Variants in GUCY1B1 observed in about 807,000 individuals in gnomAD.
GUCY1B1 encodes the protein guanylate cyclase soluble subunit beta-1.
A neutral mutation model predicts 71.0 loss-of-function variants in GUCY1B1; 43 were observed. That is an observed-to-expected ratio of 0.61 (90% confidence interval 0.47 to 0.78). The LOEUF (loss-of-function observed/expected upper bound fraction) is 0.78. Among genes scored for constraint, GUCY1B1 ranks in the 30% least tolerant of loss-of-function variants. The probability of loss-of-function intolerance (pLI) is 0.00; values close to 1 mark genes in which losing one functional copy is unlikely to be tolerated. For missense variants in GUCY1B1, 535 were observed against 754.1 expected (o/e 0.71, Z 3.40); for synonymous variants, 266 against 259.7 (o/e 1.02, Z -0.23).
Position 155,775,049 on chromosome 4 carries a change from T to A in GUCY1B1, c.159T>A (p.Ala53=). 1 of 1,589,966 alleles carries A rather than the reference T, an allele frequency of 6.3e-7. No individual in the cohort carries two copies. The highest frequency in any genetic ancestry group is 8.6e-7 in the Non-Finnish European group (1 of 1,158,442). ...YDDSKTYDLV[A]AASKVLNLNA... ...ACTCCAAAACTTATGATTTGGTTGC[T>A]GCTGCAAGCAAAGTCCTCAGTAAGT... is the stretch of plus-strand genomic sequence containing the variant. The change falls in exon 3 of 14, where the codon GCT becomes GCA. Residue 53 remains alanine, a synonymous_variant. Coordinates refer to ENST00000264424, the MANE Select transcript of GUCY1B1 (RefSeq NM_000857.5).
Position 155,785,438 on chromosome 4 carries a change from T to A in GUCY1B1, c.298-4276T>A, listed in dbSNP as rs1738699007. 1.0e-5 allele frequency: 6 copies of A among 574,354 alleles called. No individual in the cohort carries two copies. In the South Asian group the frequency reaches 1.4e-4, roughly 14 times the overall value. The allele number at this position is 574,354 out of a possible 1,614,324, so 35.6% of individuals were successfully genotyped here. On this transcript the variant is annotated intron_variant, in intron 4 of 13. Transcript: ENST00000264424. ...CTTTCTGTAAGTGCTTCTGTGGGTA[T>A]ATTTAGAAATAACACAGAATATCAG...
At chr4:155,782,762 T>G (rs535023231) in intron 4 of GUCY1B1, among the ~76,000 whole-genome samples, 4 of 152,318 alleles carry the variant, frequency 2.6e-5, no homozygotes, top group African/African-American at 9.6e-5. Context: ...AAGTCTTGGT[T>G]TCCTTCAGGG....
At chr4:155,795,845 T>C (rs941179210) in intron 7 of GUCY1B1, among the ~76,000 whole-genome samples, 1 of 152,168 alleles carries the variant, frequency 6.6e-6, no homozygotes, top group African/African-American at 2.4e-5. Context: ...TTGTTCTTAG[T>C]AGCGTTTTTG....
At chr4:155,777,389 C>T in intron 3 of GUCY1B1, 135 bp from the exon 4 acceptor site, 1 of 611,946 alleles carries the variant, frequency 1.6e-6, no homozygotes, top group African/African-American at 1.9e-5. Context: ...GGATTTTTTT[C>T]ATATGATCTA....
At chr4:155,790,893 T>G (rs1236693604) in intron 5 of GUCY1B1, among the ~76,000 whole-genome samples, 1 of 152,214 alleles carries the variant, frequency 6.6e-6, no homozygotes, top group East Asian at 1.9e-4. Context: ...ACGTGGCACC[T>G]TTTGGTGATT....
At chr4:155,763,111 G>A (rs1042999336) in intron 2 of GUCY1B1, among the ~76,000 whole-genome samples, 1 of 152,154 alleles carries the variant, frequency 6.6e-6, no homozygotes, top group African/African-American at 2.4e-5. Flanking sequence ...TCCCATCTCT[G>A]TTATCCTTCC....
rs763088208 is a variant in GUCY1B1, at chr4:155,806,717, C to T, written c.*308C>T. ...TGGTGATCTGCAAGTAGTAGGCACC[C>T]AATAAATATTTGTTGAATTTAGTTA... On this transcript the variant is annotated 3_prime_UTR_variant, in exon 14 of 14. Coordinates refer to ENST00000264424, the MANE Select transcript of GUCY1B1 (RefSeq NM_000857.5). 5 of 317,496 alleles carry T rather than the reference C, an allele frequency of 1.6e-5. No individual in the cohort carries two copies. The highest frequency in any genetic ancestry group is 2.9e-5 in the Non-Finnish European group (5 of 174,172). 19.7% of individuals were successfully genotyped at this position (317,496 alleles called of 1,614,324 possible). A position where few individuals can be genotyped will look rare whatever the true frequency, so the allele number is the denominator to read the frequency against.
At chr4:155,790,686 C>T (rs1739096249) in intron 5 of GUCY1B1, among the ~76,000 whole-genome samples, 1 of 152,146 alleles carries the variant, frequency 6.6e-6, no homozygotes, top group Non-Finnish European at 1.5e-5. Context: ...TATAGAAAAC[C>T]TATTAGACAG....
rs1483453171 is a variant in GUCY1B1, at chr4:155,807,523, A to G, written c.*1114A>G. ...TAAATTTAGTATTTCATATCAGCAC[A>G]TCGATATATGTATAAATGTTCCATG... is the stretch of plus-strand genomic sequence containing the variant. On this transcript the variant is annotated 3_prime_UTR_variant, in exon 14 of 14. Coordinates refer to ENST00000264424, the MANE Select transcript of GUCY1B1 (RefSeq NM_000857.5). 1 of 152,158 alleles carries G rather than the reference A, an allele frequency of 6.6e-6. No individual in the cohort carries two copies. Among genetic ancestry groups the G allele is most frequent in the Non-Finnish European group, 1.5e-5 (1 of 68,026 alleles). The allele number at this position is 152,158 out of a possible 1,614,324, so 9.4% of individuals were successfully genotyped here.
At chr4:155,768,732 A>G (rs529680047) in intron 2 of GUCY1B1, among the ~76,000 whole-genome samples, 2 of 152,290 alleles carry the variant, frequency 1.3e-5, no homozygotes, top group South Asian at 4.1e-4. Flanking sequence ...TCCAACAAAT[A>G]AGAGTAAGTA....
At chr4:155,765,994 A>AC (rs1194860555) in intron 2 of GUCY1B1, among the ~76,000 whole-genome samples, 8 of 152,272 alleles carry the variant, frequency 5.3e-5, no homozygotes, top group African/African-American at 1.9e-4. Context: ...TAGTATTTGT[A>AC]CTACTGATTA....
chr4:155,799,323 C>G (rs1438758194), intron 8 of GUCY1B1, among the ~76,000 whole-genome samples: 1 of 151,864 alleles, frequency 6.6e-6, no homozygotes, highest in Non-Finnish European at 1.5e-5. Context: ...ACATGAGAGC[C>G]AGAAGTAAGA....
At chr4:155,761,108 A>G (rs1736971178) in intron 2 of GUCY1B1, among the ~76,000 whole-genome samples, 1 of 152,186 alleles carries the variant, frequency 6.6e-6, no homozygotes, top group African/African-American at 2.4e-5. Context: ...CACAGGGCAT[A>G]TTACCTACAT....
chr4:155,759,760 C>T (rs1333472536), intron 1 of GUCY1B1, 27 bp from the exon 2 acceptor site: 20 of 1,579,110 alleles, frequency 1.3e-5, no homozygotes, highest in Non-Finnish European at 1.7e-5. Context: ...GGGTCCCTGA[C>T]GCTCAAGTCT....
chr4:155,792,398 G>A (rs570519977), intron 5 of GUCY1B1, among the ~76,000 whole-genome samples: 154 of 152,244 alleles, frequency 1.0e-3, no homozygotes, highest in African/African-American at 3.6e-3. Flanking sequence ...AAGTAGGCCT[G>A]TCATTTAAGG....
At chr4:155,785,074 G>C (rs902726837) in intron 4 of GUCY1B1, among the ~76,000 whole-genome samples, 1 of 152,058 alleles carries the variant, frequency 6.6e-6, no homozygotes, top group African/African-American at 2.4e-5. Flanking sequence ...AAATAAACTA[G>C]ACTGACAGGG....
At chr4:155,774,913 G>A in intron 2 of GUCY1B1, 55 bp from the exon 3 acceptor site, 2 of 917,532 alleles carry the variant, frequency 2.2e-6, no homozygotes, top group Non-Finnish European at 3.6e-6. Context: ...ACTTATAGTA[G>A]CTATTTTTTT....
In GUCY1B1 at chr4:155,802,247, C is replaced by G; in HGVS notation, c.1176-95C>G. The G allele has an allele frequency of 6.4e-7, 1 of 1,561,170 alleles. No homozygotes were observed. Among genetic ancestry groups the G allele is most frequent in the Non-Finnish European group, 8.7e-7 (1 of 1,155,580 alleles). ...TGCTAGAATCCAGGCCTTTAAAGTACAAACGACACTGATGCTGTGTGAAAA... is the reference window on the plus strand; with the variant it reads ...TGCTAGAATCCAGGCCTTTAAAGTAGAAACGACACTGATGCTGTGTGAAAA... On this transcript the variant is annotated intron_variant, in intron 9 of 13. Coordinates refer to ENST00000264424, the MANE Select transcript of GUCY1B1 (RefSeq NM_000857.5). This position sits in a 1 kb window ranked among gnomAD's most constrained non-coding sequence, Gnocchi z 4.3.
In GUCY1B1 at chr4:155,791,537, T is replaced by G. The variant is rs560283761; in HGVS notation, c.495+1626T>G. On this transcript the variant is annotated intron_variant, in intron 5 of 13. Transcript: ENST00000264424. Reference sequence around the variant, plus strand: ...CGAGGTCAGGAGATTGAGACCATCCTGGCTAACACGGTGAAACCCCGTCTC... The same window carrying G: ...CGAGGTCAGGAGATTGAGACCATCCGGGCTAACACGGTGAAACCCCGTCTC... Among the ~76,000 whole-genome samples, 925 of 148,360 alleles carry G rather than the reference T, an allele frequency of 6.2e-3. 9 individuals carry two copies. Among genetic ancestry groups the G allele is most frequent in the Middle Eastern group, 0.021 (6 of 290 alleles).
Sources: allele counts gnomAD v4.1 joint callset (sites outside exome capture counted in the v4.1 genomes callset), GRCh38; gene constraint gnomAD v4.1.1; non-coding constraint Gnocchi (gnomAD v3.1); transcripts MANE v1.5; gene names NCBI Gene and HGNC (gene_info 2026-07-23, HGNC 2026-07-21).